FBXO31: variants seen among roughly 807,000 people sequenced by gnomAD.
FBXO31 encodes F-box only protein 31.
A neutral mutation model predicts 54.4 loss-of-function variants in FBXO31; 24 were observed. That is an observed-to-expected ratio of 0.44 (90% CI 0.32 to 0.62). The LOEUF is 0.62. Among genes scored for constraint, FBXO31 ranks in the 20% least tolerant of loss-of-function variants. The probability of loss-of-function intolerance (pLI) is 0.05; values close to 1 mark genes in which losing one functional copy is unlikely to be tolerated. For missense variants in FBXO31, 665 were observed against 787.1 expected (o/e 0.84, Z 1.86); for synonymous variants, 388 against 335.6 (o/e 1.16, Z -1.71).
intron 1 of FBXO31, among the ~76,000 whole-genome samples, chr16:87,364,918 GATC>G (rs1196732496): frequency 6.8e-6 from 1 of 146,286 alleles, no homozygotes; most frequent in Non-Finnish European, 1.5e-5. Context: ...GATGTGGGAA[GATC>G]ATCTGAGTCC....
chr16:87,390,291 T>C (rs1907479893), upstream of FBXO31, among the ~76,000 whole-genome samples: 1 of 151,854 alleles, frequency 6.6e-6, no homozygotes, highest in African/African-American at 2.4e-5. Flanking sequence ...AAAAAACAAA[T>C]AAATAAAATA....
At chr16:87,371,619 C>T (rs1297686543) in intron 1 of FBXO31, among the ~76,000 whole-genome samples, 8 of 152,264 alleles carry the variant, frequency 5.3e-5, no homozygotes, top group African/African-American at 1.4e-4. Context: ...GGAGAGACAG[C>T]AGGGACACAC....
At chr16:87,341,744 C>T (rs1905203462) in intron 5 of FBXO31, among the ~76,000 whole-genome samples, 1 of 149,942 alleles carries the variant, frequency 6.7e-6, no homozygotes, top group Non-Finnish European at 1.5e-5. Context: ...TCTAAAATAA[C>T]AGCATAATTA....
rs1166192648 is a variant in FBXO31 at position 87,335,498 on chromosome 16, G to A, written c.843-41C>T. 2 of 1,578,746 alleles carry A rather than the reference G, an allele frequency of 1.3e-6. No homozygotes were observed. The highest frequency in any genetic ancestry group is 1.7e-6 in the Non-Finnish European group (2 of 1,162,348). On this transcript the variant is annotated intron_variant, in intron 6 of 8. Transcript: ENST00000311635. This position sits in a 1 kb window ranked among gnomAD's most constrained non-coding sequence, Gnocchi z 5.7. Reference sequence around the variant, plus strand: ...GGGTCAGTACAGGAGACCTCGTGGGGCAGGCAGGACTGAGAACGCCCAAGG... The same window carrying A: ...GGGTCAGTACAGGAGACCTCGTGGGACAGGCAGGACTGAGAACGCCCAAGG...
At position 87,338,670 on chromosome 16, in the gene FBXO31, G is replaced by A. The variant is rs962434394; in HGVS notation, c.733-2406C>T. ...GCCTGGGTACAAGGAATGGCCTCCC[G>A]GGGTGGGGGTGACCCACACAGAGAT... On this transcript the variant is annotated intron_variant, in intron 5 of 8. Coordinates refer to ENST00000311635, the MANE Select transcript of FBXO31 (RefSeq NM_024735.5). The surrounding 1 kb of genome is among the most constrained non-coding windows in gnomAD (Gnocchi z 4.3). Among the ~76,000 whole-genome samples, 8 of 152,094 alleles carry A rather than the reference G, an allele frequency of 5.3e-5. No homozygotes were observed. Among genetic ancestry groups the A allele is most frequent in the East Asian group, 1.9e-4 (1 of 5,178 alleles).
At chr16:87,361,732 C>G (rs1467169717) in intron 1 of FBXO31, among the ~76,000 whole-genome samples, 1 of 152,174 alleles carries the variant, frequency 6.6e-6, no homozygotes, top group Non-Finnish European at 1.5e-5. Context: ...GCTTCTCTAA[C>G]TGGAAGCACT....
At chr16:87,350,043 G>A (rs1649999755) in intron 2 of FBXO31, among the ~76,000 whole-genome samples, 2 of 152,144 alleles carry the variant, frequency 1.3e-5, no homozygotes, top group African/African-American at 4.8e-5. Flanking sequence ...ACATGTTGGC[G>A]AACATGGTTT....
At chr16:87,381,884 C>T (rs1272950440) in intron 1 of FBXO31, among the ~76,000 whole-genome samples, 1 of 152,036 alleles carries the variant, frequency 6.6e-6, no homozygotes, top group Non-Finnish European at 1.5e-5. Flanking sequence ...ATTAGCCGGG[C>T]ACGGTGGCAC....
intron 1 of FBXO31, among the ~76,000 whole-genome samples, chr16:87,366,745 G>C (rs1033738717): frequency 6.6e-6 from 1 of 152,218 alleles, no homozygotes; most frequent in East Asian, 1.9e-4. Context: ...CTGCTACATG[G>C]AGAGAGGGGA....
intron 1 of FBXO31, among the ~76,000 whole-genome samples, chr16:87,376,857 T>C (rs1445885269): frequency 4.6e-5 from 7 of 152,204 alleles, no homozygotes; most frequent in Non-Finnish European, 8.8e-5. Context: ...GTATCCACCA[T>C]AACGAAATGT....
upstream of FBXO31, among the ~76,000 whole-genome samples, chr16:87,388,189 G>C (rs1046571158): frequency 6.6e-6 from 1 of 152,210 alleles, no homozygotes; most frequent in Non-Finnish European, 1.5e-5. Context: ...TTTACCACGC[G>C]TTCTACTTTG....
intron 1 of FBXO31, among the ~76,000 whole-genome samples, chr16:87,374,130 T>C (rs1362485739): frequency 1.3e-5 from 2 of 151,678 alleles, no homozygotes; most frequent in East Asian, 3.9e-4. Flanking sequence ...CAGTCCCAAC[T>C]ACTTGAGAGG....
At chr16:87,359,881 C>G (rs888982387) in intron 2 of FBXO31, among the ~76,000 whole-genome samples, 2 of 152,166 alleles carry the variant, frequency 1.3e-5, no homozygotes, top group African/African-American at 2.4e-5. Context: ...AAGGAGAACT[C>G]TAGCAGGGGG....
chr16:87,374,902 A>G (rs1381731107), intron 1 of FBXO31, among the ~76,000 whole-genome samples: 2 of 152,232 alleles, frequency 1.3e-5, no homozygotes, highest in African/African-American at 4.8e-5. Flanking sequence ...AACAGTGCCG[A>G]CTGGGCGTAA....
chr16:87,360,181 G>A, intron 2 of FBXO31, 114 bp downstream of exon 2: 1 of 928,190 alleles, frequency 1.1e-6, no homozygotes, highest in Non-Finnish European at 1.7e-6. Context: ...CTGTAAGATG[G>A]TGTCTGAGAA....
At chr16:87,356,188 C>A (rs1240015314) in intron 2 of FBXO31, among the ~76,000 whole-genome samples, 4 of 149,126 alleles carry the variant, frequency 2.7e-5, no homozygotes, top group Admixed American at 1.3e-4. Context: ...GAGATCACAC[C>A]ACTGCACTCC....
At chr16:87,360,268 T>C (rs753851122) in intron 2 of FBXO31, 27 bp downstream of exon 2, 5 of 1,602,614 alleles carry the variant, frequency 3.1e-6, no homozygotes, top group Admixed American at 1.7e-5. Context: ...AAGTTAATCA[T>C]GGATGGTAAC....
At chr16:87,357,117 C>T (rs112896525) in intron 2 of FBXO31, among the ~76,000 whole-genome samples, 1 of 151,954 alleles carries the variant, frequency 6.6e-6, no homozygotes, top group East Asian at 1.9e-4. Context: ...TGGTGGCACA[C>T]GCCTCTAGTC....
At position 87,346,633 on chromosome 16, in the gene FBXO31, G is replaced by A. The variant is rs965975131; in HGVS notation, c.489+541C>T. Among the ~76,000 whole-genome samples, 2 of 152,154 alleles carry A rather than the reference G, an allele frequency of 1.3e-5. No homozygotes were observed. Among genetic ancestry groups the A allele is most frequent in the Admixed American group, 1.3e-4 (2 of 15,278 alleles). ...GACTCTGCCACCAGCCTGGACTTCC[G>A]CCTGCAACGTTCTAGCACTTTCTAG... On this transcript the variant is annotated intron_variant, in intron 3 of 8. Transcript: ENST00000311635. This position sits in a 1 kb window ranked among gnomAD's most constrained non-coding sequence, Gnocchi z 4.2.
Sources: allele counts gnomAD v4.1 joint callset (sites outside exome capture counted in the v4.1 genomes callset), GRCh38; gene constraint gnomAD v4.1.1; non-coding constraint Gnocchi (gnomAD v3.1); transcripts MANE v1.5; gene names NCBI Gene and HGNC (gene_info 2026-07-23, HGNC 2026-07-21).